Variants in INPP5A observed in about 807,000 individuals in gnomAD.
INPP5A encodes the protein 43 kDa inositol polyphosphate 5-phophatase.
In INPP5A, 14 loss-of-function variants were observed where a neutral mutation model predicts 65.2. The observed-to-expected ratio is 0.21, with a 90% CI of 0.14 to 0.34. The LOEUF (loss-of-function observed/expected upper bound fraction) is 0.34, where lower values mean the gene tolerates loss of function less well. INPP5A is among the 10% of genes least tolerant of loss of function. The pLI is 1.00. For synonymous variants in INPP5A, 207 were observed against 208.3 expected (o/e 0.99, Z 0.05); for missense variants, 431 against 545.6 (o/e 0.79, Z 2.09).
In INPP5A at chr10:132,675,490, G is replaced by A. The variant is rs993699255; in HGVS notation, c.307-14902G>A. On this transcript the variant is annotated intron_variant, in intron 4 of 15. Coordinates refer to ENST00000368594, the MANE Select transcript of INPP5A (RefSeq NM_005539.5). This position sits in a 1 kb window ranked among gnomAD's most constrained non-coding sequence, Gnocchi z 4.2. ...GCCATGGGCATTGGTTGTGTAAACCGAGGCACCTCCTGCAGTGTAAAACAC... is the reference window on the plus strand; with the variant it reads ...GCCATGGGCATTGGTTGTGTAAACCAAGGCACCTCCTGCAGTGTAAAACAC... Among the ~76,000 whole-genome samples the A allele has an allele frequency of 6.6e-6, 1 of 152,206 alleles. No homozygotes were observed. Among genetic ancestry groups the A allele is most frequent in the Non-Finnish European group, 1.5e-5 (1 of 68,048 alleles).
chr10:132,639,186 A>T (rs955371068), intron 2 of INPP5A, among the ~76,000 whole-genome samples: 13 of 152,284 alleles, frequency 8.5e-5, no homozygotes, highest in African/African-American at 3.1e-4. Flanking sequence ...AGCCCTGCCC[A>T]GCCATCAGTT....
At chr10:132,646,012 G>A (rs763655216) in intron 3 of INPP5A, 44 bp downstream of exon 3, 2 of 1,389,560 alleles carry the variant, frequency 1.4e-6, no homozygotes, top group Non-Finnish European at 2.0e-6. Flanking sequence ...CTTCCCAGGG[G>A]TGTGGGGTGC....
intron 1 of INPP5A, among the ~76,000 whole-genome samples, chr10:132,599,293 T>A (rs1375391423): frequency 6.6e-6 from 1 of 152,204 alleles, no homozygotes; most frequent in East Asian, 1.9e-4. Flanking sequence ...AATACAGCCG[T>A]TCCAAATGGG....
At chr10:132,701,810 C>T (rs995049986) in intron 6 of INPP5A, among the ~76,000 whole-genome samples, 2 of 152,204 alleles carry the variant, frequency 1.3e-5, no homozygotes, top group African/African-American at 4.8e-5. Flanking sequence ...GGGAGTGGGG[C>T]GTCGGGAGGC....
chr10:132,620,757 C>T (rs985208339), intron 2 of INPP5A, among the ~76,000 whole-genome samples: 11 of 152,118 alleles, frequency 7.2e-5, no homozygotes, highest in African/African-American at 2.4e-4. Flanking sequence ...CCCTCCCAGC[C>T]CAGATGGCTT....
At chr10:132,648,664 AT>A (rs1215646634) in intron 3 of INPP5A, among the ~76,000 whole-genome samples, 1 of 151,948 alleles carries the variant, frequency 6.6e-6, no homozygotes, top group African/African-American at 2.4e-5. Context: ...TAGCTTGTCA[AT>A]TTTTTTTCCT....
In INPP5A at chr10:132,558,273, C is replaced by T. The variant is rs560774881; in HGVS notation, c.75+20102C>T. On this transcript the variant is annotated intron_variant, in intron 1 of 15. Coordinates refer to ENST00000368594, the MANE Select transcript of INPP5A (RefSeq NM_005539.5). ...TTCCCCAAGCTGCTCCGGGTGTCCC[C>T]GGCCCACGCGCTGAGCACGCTCTGG... Among the ~76,000 whole-genome samples, 6 of 152,280 alleles carry T rather than the reference C, an allele frequency of 3.9e-5. No homozygotes were observed. In the South Asian group the frequency reaches 8.3e-4, roughly 21 times the overall value.
At chr10:132,712,362 CGTGTGTGCAT>C in intron 8 of INPP5A, among the ~76,000 whole-genome samples, 1 of 150,610 alleles carries the variant, frequency 6.6e-6, no homozygotes, top group East Asian at 2.0e-4. Context: ...TGTGTGTGTT[CGTGTGTGCAT>C]GTGTGTGGAT....
intron 1 of INPP5A, among the ~76,000 whole-genome samples, chr10:132,582,730 C>T (rs2071500777): frequency 6.6e-6 from 1 of 152,154 alleles, no homozygotes; most frequent in Non-Finnish European, 1.5e-5. Flanking sequence ...CATTGGATTG[C>T]TTTGGTATTT....
intron 1 of INPP5A, among the ~76,000 whole-genome samples, chr10:132,594,458 C>T (rs575234878): frequency 3.9e-5 from 6 of 152,202 alleles, no homozygotes; most frequent in African/African-American, 1.4e-4. Flanking sequence ...GGTTTTTGAA[C>T]GTGTGTGTGT....
chr10:132,621,453 G>T (rs892474118), intron 2 of INPP5A, among the ~76,000 whole-genome samples: 3 of 152,170 alleles, frequency 2.0e-5, no homozygotes, highest in Non-Finnish European at 4.4e-5. Flanking sequence ...GAGACATGAG[G>T]CCTCAGTGTG....
At chr10:132,695,224 A>G (rs1467621996) in intron 5 of INPP5A, among the ~76,000 whole-genome samples, 1 of 152,204 alleles carries the variant, frequency 6.6e-6, no homozygotes, top group Non-Finnish European at 1.5e-5. Context: ...CCATCACAGC[A>G]GCAGGCAAAA....
At chr10:132,688,216 C>T (rs1845173576) in intron 4 of INPP5A, among the ~76,000 whole-genome samples, 1 of 152,198 alleles carries the variant, frequency 6.6e-6, no homozygotes, top group South Asian at 2.1e-4. Context: ...GCACGATTGG[C>T]CCTCAGCAGG....
chr10:132,631,287 G>A (rs1483543328), intron 2 of INPP5A, among the ~76,000 whole-genome samples: 1 of 152,174 alleles, frequency 6.6e-6, no homozygotes, highest in Non-Finnish European at 1.5e-5. Flanking sequence ...CCAGGGGCCT[G>A]TGGGAACCTG....
In INPP5A at chr10:132,690,375, C is replaced by A; in HGVS notation, c.307-17C>A. 6.5e-7 allele frequency: 1 copy of A among 1,543,992 alleles called. No homozygotes were observed. ...CCAGCACCAGTCTCTCATTTGATTT[C>A]TCTTTTTGCTCTACAGGCACTAGGA... On this transcript the variant is annotated splice_polypyrimidine_tract_variant and intron_variant, in intron 4 of 15. Transcript: ENST00000368594.
chr10:132,723,156 G>A (rs963129443), intron 8 of INPP5A, among the ~76,000 whole-genome samples: 3 of 152,246 alleles, frequency 2.0e-5, no homozygotes, highest in African/African-American at 7.2e-5. Flanking sequence ...GGACGATGAC[G>A]CGGCGTCTCC....
At position 132,752,049 on chromosome 10, in the gene INPP5A, G is replaced by A. The variant is rs190950300; in HGVS notation, c.903+2204G>A. On this transcript the variant is annotated intron_variant, in intron 11 of 15. Transcript: ENST00000368594. ...GTGCCCAGGAAGCGTCTGCGTGAAGGGGGGTGCCCAGGAGGCGTCTGGGTG... is the reference window on the plus strand; with the variant it reads ...GTGCCCAGGAAGCGTCTGCGTGAAGAGGGGTGCCCAGGAGGCGTCTGGGTG... Among the ~76,000 whole-genome samples the A allele has an allele frequency of 6.3e-3, 934 of 149,242 alleles. 7 individuals are homozygous for A. The highest frequency in any genetic ancestry group is 0.021 in the African/African-American group (847 of 40,154).
rs1351019043 is a variant in INPP5A at position 132,550,733 on chromosome 10, C to T, written c.75+12562C>T. On this transcript the variant is annotated intron_variant, in intron 1 of 15. Transcript: ENST00000368594. This position sits in a 1 kb window ranked among gnomAD's most constrained non-coding sequence, Gnocchi z 4.2. ...AAACACTAGTTTGGTCCCGCCTGAC[C>T]TCATGGAAGACGGTGGAGGTGGCAG... 6.6e-6 allele frequency among the ~76,000 whole-genome samples: 1 copy of T among 152,216 alleles called. No homozygotes were observed. The highest frequency in any genetic ancestry group is 1.5e-5 in the Non-Finnish European group (1 of 68,040).
intron 2 of INPP5A, among the ~76,000 whole-genome samples, chr10:132,640,248 G>A (rs1016354089): frequency 8.5e-5 from 13 of 152,228 alleles, no homozygotes; most frequent in African/African-American, 3.1e-4. Context: ...GCTGGGTGCT[G>A]GTCAGAGCCC....
Sources: allele counts gnomAD v4.1 joint callset (sites outside exome capture counted in the v4.1 genomes callset), GRCh38; gene constraint gnomAD v4.1.1; non-coding constraint Gnocchi (gnomAD v3.1); transcripts MANE v1.5; gene names NCBI Gene and HGNC (gene_info 2026-07-23, HGNC 2026-07-21).